Variants in RTTN observed in about 807,000 individuals in gnomAD.
The protein encoded by RTTN is rotatin.
RTTN carries 182 observed loss-of-function variants against 269.2 expected under a neutral mutation model. The ratio of observed to expected loss-of-function variants is 0.68; its 90% CI spans 0.60 to 0.76. RTTN has a LOEUF of 0.76. RTTN is among the 30% of genes least tolerant of loss of function. The pLI is 0.00. For synonymous variants in RTTN, 1,006 were observed against 963.5 expected, an observed-to-expected ratio of 1.04 and a Z score of -0.82; for missense variants, 2,545 against 2,608.6, an observed-to-expected ratio of 0.98 and a Z score of 0.53.
At chr18:70,158,485 C>T (rs1439476543) in intron 14 of RTTN, among the ~76,000 whole-genome samples, 1 of 152,162 alleles carries the variant, frequency 6.6e-6, no homozygotes, top group Non-Finnish European at 1.5e-5. Flanking sequence ...CCTGCCTCCA[C>T]AAAAACACAC....
At chr18:70,110,028 A>C (rs2059421588) in intron 27 of RTTN, among the ~76,000 whole-genome samples, 1 of 152,080 alleles carries the variant, frequency 6.6e-6, no homozygotes, top group African/African-American at 2.4e-5. Context: ...AACACAACAC[A>C]GTGAGACCTC....
At chr18:70,056,937 C>G (rs2057833886) in intron 37 of RTTN, among the ~76,000 whole-genome samples, 1 of 152,204 alleles carries the variant, frequency 6.6e-6, no homozygotes, top group East Asian at 1.9e-4. Context: ...TTCAGGCACA[C>G]AGCAAGTACT....
intron 40 of RTTN, among the ~76,000 whole-genome samples, chr18:70,036,589 T>C (rs922508977): frequency 6.6e-6 from 1 of 152,028 alleles, no homozygotes; most frequent in Non-Finnish European, 1.5e-5. Context: ...AAATAACTAT[T>C]GGGTACCAGG....
intron 28 of RTTN, among the ~76,000 whole-genome samples, chr18:70,108,864 A>AC (rs2059390143): frequency 2.4e-5 from 1 of 40,822 alleles, no homozygotes; most frequent in South Asian, 3.0e-3. Flanking sequence ...TTCTTAATTG[A>AC]CAAAAAAAAA....
chr18:70,047,824 A>AT (rs1375767554), intron 40 of RTTN, 147 bp downstream of exon 40: 7 of 674,716 alleles, frequency 1.0e-5, no homozygotes, highest in Non-Finnish European at 1.7e-5. Context: ...ATTTAACTTT[A>AT]TAAACTTTTG....
At chr18:70,072,827 A>T (rs1482832173) in intron 34 of RTTN, among the ~76,000 whole-genome samples, 1 of 152,160 alleles carries the variant, frequency 6.6e-6, no homozygotes, top group East Asian at 1.9e-4. Flanking sequence ...TTATCATATT[A>T]CTGCTCTTGT....
rs562190838 is a variant in RTTN, at chr18:70,056,338, T to C, written c.5031+1404A>G. 2.0e-5 allele frequency among the ~76,000 whole-genome samples: 3 copies of C among 152,350 alleles called. No individual in the cohort carries two copies. The South Asian group carries it at 6.2e-4, about 32-fold the overall frequency. ...ACTGACCTGCATAGGTTGGAATCTA[T>C]GTCAGAGACCTTGGACAAGTCACTC... On this transcript the variant is annotated intron_variant, in intron 37 of 48. Coordinates refer to ENST00000640769, the MANE Select transcript of RTTN (RefSeq NM_173630.4).
At chr18:70,167,317 T>A (rs2061014255) in intron 12 of RTTN, among the ~76,000 whole-genome samples, 1 of 152,238 alleles carries the variant, frequency 6.6e-6, no homozygotes, top group South Asian at 2.1e-4. Context: ...TCTTTGTAGC[T>A]CTACCTCCCC....
intron 4 of RTTN, among the ~76,000 whole-genome samples, chr18:70,201,130 C>T (rs1394951880): frequency 6.6e-6 from 1 of 152,166 alleles, no homozygotes; most frequent in African/African-American, 2.4e-5. Context: ...AGATGAGATT[C>T]CAGATTCCAG....
Position 70,145,672 on chromosome 18 carries a change from TA to T in RTTN, c.2420del (p.Leu807TyrfsTer41). ...DARVLSRVTDLFIGKKPIELR... is the reference protein window; with the variant it reads ...DARVLSRVTDXFIGKKPIELR... Reference sequence around the variant, plus strand: ...GTTCAATAGGTTTCTTCCCAATGAATAAATCAGTAACTCTGGAGAGAACTCT... The same window carrying T: ...GTTCAATAGGTTTCTTCCCAATGAATAATCAGTAACTCTGGAGAGAACTCT... On this transcript the variant is annotated frameshift_variant, in exon 18 of 49. Coordinates refer to ENST00000640769, the MANE Select transcript of RTTN (RefSeq NM_173630.4). LOFTEE classifies it high-confidence loss of function. 1 of 1,613,058 alleles carries T rather than the reference TA, an allele frequency of 6.2e-7. No homozygotes were observed. The highest frequency in any genetic ancestry group is 8.5e-7 in the Non-Finnish European group (1 of 1,179,372).
At chr18:70,098,649 A>T (rs539243621) in intron 28 of RTTN, among the ~76,000 whole-genome samples, 1 of 152,160 alleles carries the variant, frequency 6.6e-6, no homozygotes, top group South Asian at 2.1e-4. Flanking sequence ...AGTTTATTTT[A>T]TTTTTTTAAT....
chr18:70,088,430 T>C (rs982668775), intron 30 of RTTN, among the ~76,000 whole-genome samples: 2 of 152,196 alleles, frequency 1.3e-5, no homozygotes, highest in African/African-American at 2.4e-5. Flanking sequence ...AAGGAAAGCA[T>C]AGGGCACTTA....
chr18:70,123,461 C>T (rs1249768214), intron 25 of RTTN, among the ~76,000 whole-genome samples: 1 of 152,044 alleles, frequency 6.6e-6, no homozygotes, highest in Non-Finnish European at 1.5e-5. Flanking sequence ...AATTTTGTAA[C>T]CTCTCAGCAA....
At chr18:70,078,389 T>C (rs2058480843) in intron 32 of RTTN, among the ~76,000 whole-genome samples, 1 of 151,862 alleles carries the variant, frequency 6.6e-6, no homozygotes, top group Non-Finnish European at 1.5e-5. Flanking sequence ...TAGTTACCAC[T>C]ACAATCATTT....
Position 70,121,653 on chromosome 18 carries a change from A to G in RTTN, c.3431T>C (p.Ile1144Thr). 6.4e-7 allele frequency: 1 copy of G among 1,572,880 alleles called. No homozygotes were observed. The highest frequency in any genetic ancestry group is 8.6e-7 in the Non-Finnish European group (1 of 1,165,710). ...TTTATTTAAAAAATGTATGATATCT[A>G]TTAGCAGTTTCTCATCTTCAGTGCA... is the stretch of plus-strand genomic sequence containing the variant. ...PACTEDEKLL[I>T]DIIHFLNKLI... Residue 1144 changes from isoleucine (I) to threonine (T), a missense_variant, in exon 26 of 49, where the codon ATA (isoleucine) becomes ACA (threonine). By Grantham distance (89) the Ile-to-Thr change is moderately conservative. Coordinates refer to ENST00000640769, the MANE Select transcript of RTTN (RefSeq NM_173630.4).
At chr18:70,038,662 C>G (rs962350870) in intron 40 of RTTN, among the ~76,000 whole-genome samples, 6 of 152,282 alleles carry the variant, frequency 3.9e-5, no homozygotes, top group African/African-American at 1.4e-4. Flanking sequence ...CTTCAATGTC[C>G]AGATATTGAC....
chr18:70,204,349 T>C (rs1174284640), intron 2 of RTTN, 86 bp from the exon 3 acceptor site: 11 of 1,312,262 alleles, frequency 8.4e-6, no homozygotes, highest in Admixed American at 2.3e-5. Flanking sequence ...TTATTTTTGG[T>C]ATATCAGATG....
At position 70,048,114 on chromosome 18, in the gene RTTN, C is replaced by T. The variant is rs200628968; in HGVS notation, c.5398G>A (p.Val1800Ile). The T allele has an allele frequency of 3.1e-6, 5 of 1,613,922 alleles. No individual in the cohort carries two copies. Among genetic ancestry groups the T allele is most frequent in the African/African-American group, 2.7e-5 (2 of 74,898 alleles). ...LYTASLQFLS[V>I]LLTEEAKGHL... ...CCTTTTGCTTCTTCGGTCAAGAGAA[C>T]AGAAAGGAATTGCAAGCTGGCAGTA... Residue 1800 changes from valine to isoleucine, a missense_variant, in exon 40 of 49, where the codon GTT becomes ATT. Transcript: ENST00000640769.
In RTTN at chr18:70,159,635, A is replaced by G. The variant is rs913952077; in HGVS notation, c.1929+6427T>C. 2.6e-5 allele frequency among the ~76,000 whole-genome samples: 4 copies of G among 152,158 alleles called. No homozygotes were observed. The East Asian group carries it at 5.8e-4, about 22-fold the overall frequency. ...AAAATTCACACAAAAGATCGACAAAACCAAATTTTGGTTCTCCAAAAGAAT... is the reference window on the plus strand; with the variant it reads ...AAAATTCACACAAAAGATCGACAAAGCCAAATTTTGGTTCTCCAAAAGAAT... On this transcript the variant is annotated intron_variant, in intron 14 of 48. Transcript: ENST00000640769.
Sources: allele counts gnomAD v4.1 joint callset (sites outside exome capture counted in the v4.1 genomes callset), GRCh38; gene constraint gnomAD v4.1.1; transcripts MANE v1.5; gene names NCBI Gene and HGNC (gene_info 2026-07-23, HGNC 2026-07-21).